MBOAT1: variants seen among roughly 807,000 people sequenced by gnomAD.
MBOAT1 encodes the protein membrane-bound glycerophospholipid O-acyltransferase 1.
A neutral mutation model predicts 64.4 loss-of-function variants in MBOAT1; 67 were observed. That is an observed-to-expected ratio of 1.04 (90% CI 0.85 to 1.27). The LOEUF (loss-of-function observed/expected upper bound fraction) is 1.27. Ranked by LOEUF, MBOAT1 falls within the 50% of genes most tolerant of loss-of-function variation. The probability of loss-of-function intolerance (pLI) is 0.00; values close to 1 mark genes in which losing one functional copy is unlikely to be tolerated. For synonymous variants in MBOAT1, 229 were observed against 218.9 expected (o/e 1.05, Z -0.41); for missense variants, 563 against 604.6 (o/e 0.93, Z 0.72).
At chr6:20,156,114 AC>A (rs1225539525) in intron 1 of MBOAT1, among the ~76,000 whole-genome samples, 1 of 151,904 alleles carries the variant, frequency 6.6e-6, no homozygotes, top group Non-Finnish European at 1.5e-5. Flanking sequence ...TAAAAAAAAT[AC>A]AAAAAATTAG....
At chr6:20,128,824 T>C in intron 5 of MBOAT1, 71 bp from the exon 6 acceptor site, 1 of 1,080,080 alleles carries the variant, frequency 9.3e-7, no homozygotes, top group Middle Eastern at 2.2e-4. Flanking sequence ...AAAAGGGTCT[T>C]ATCAAAGTCA....
At chr6:20,207,179 T>C (rs146330512) in intron 1 of MBOAT1, among the ~76,000 whole-genome samples, 8 of 152,350 alleles carry the variant, frequency 5.3e-5, no homozygotes, top group Non-Finnish European at 8.8e-5. Flanking sequence ...TTGTCAGTGC[T>C]TTCTCAATTT....
chr6:20,130,529 T>C (rs1381427182), intron 5 of MBOAT1, among the ~76,000 whole-genome samples: 1 of 152,138 alleles, frequency 6.6e-6, no homozygotes, highest in Non-Finnish European at 1.5e-5. Flanking sequence ...AATTTTTGTA[T>C]TTTTAGTAGA....
intron 1 of MBOAT1, among the ~76,000 whole-genome samples, chr6:20,177,071 A>G (rs1482640933): frequency 2.0e-5 from 3 of 152,260 alleles, no homozygotes; most frequent in Non-Finnish European, 4.4e-5. Flanking sequence ...CTAACCTACC[A>G]TCAAGAATGT....
intron 6 of MBOAT1, 96 bp from the exon 7 acceptor site, chr6:20,126,796 T>C: frequency 1.2e-6 from 1 of 866,570 alleles, no homozygotes; most frequent in Admixed American, 2.7e-5. Flanking sequence ...CTCTGTAGAT[T>C]CGATACATGA....
At chr6:20,206,012 C>G (rs1216773360) in intron 1 of MBOAT1, among the ~76,000 whole-genome samples, 1 of 152,130 alleles carries the variant, frequency 6.6e-6, no homozygotes, top group East Asian at 1.9e-4. Context: ...TCCTTCTCCC[C>G]CTCCTGTGTG....
intron 3 of MBOAT1, among the ~76,000 whole-genome samples, chr6:20,150,439 T>C (rs1465866947): frequency 6.6e-6 from 1 of 152,140 alleles, no homozygotes; most frequent in East Asian, 1.9e-4. Context: ...CTTTTGTCAC[T>C]ATAGATTAGT....
chr6:20,102,516 TGGCAG>T, intron 12 of MBOAT1, 104 bp from the exon 13 acceptor site: 8 of 965,934 alleles, frequency 8.3e-6, no homozygotes, highest in South Asian at 5.1e-5. Flanking sequence ...GCACCGCTTT[TGGCAG>T]TAGGAGGCCT....
rs112248124 is a variant in MBOAT1 at position 20,206,298 on chromosome 6, C to T, written c.99+5838G>A. 7.3e-3 allele frequency among the ~76,000 whole-genome samples: 1,119 copies of T among 152,254 alleles called. 23 individuals are homozygous for T. The highest frequency in any genetic ancestry group is 0.025 in the African/African-American group (1,057 of 41,550). On this transcript the variant is annotated intron_variant, in intron 1 of 12. Transcript: ENST00000324607. The stretch of plus-strand genomic sequence containing the variant: ...AAGTGATTCTCTTGCCTCAGCCTCC[C>T]GAGTAGCTAGGACTGCAGGCTTGTG...
rs539229739 is a variant in MBOAT1 at position 20,101,922 on chromosome 6, C to T, written c.*364G>A. Among the ~76,000 whole-genome samples, 4 of 151,206 alleles carry T rather than the reference C, an allele frequency of 2.6e-5. No homozygotes were observed. Among genetic ancestry groups the T allele is most frequent in the Non-Finnish European group, 2.9e-5 (2 of 67,804 alleles). The stretch of plus-strand genomic sequence containing the variant: ...CGAGGTCAGGAGATCGAGACCATCC[C>T]GGCTAAAACGGTGAAACCCCGTCTC... On this transcript the variant is annotated 3_prime_UTR_variant, in exon 13 of 13. Transcript: ENST00000324607.
At chr6:20,142,526 T>C (rs1394226999) in intron 4 of MBOAT1, among the ~76,000 whole-genome samples, 1 of 152,184 alleles carries the variant, frequency 6.6e-6, no homozygotes, top group Non-Finnish European at 1.5e-5. Context: ...CTCAGCTCAC[T>C]ACAACCTCCG....
intron 9 of MBOAT1, among the ~76,000 whole-genome samples, chr6:20,118,047 CA>C (rs1280126415): frequency 1.3e-5 from 2 of 152,062 alleles, no homozygotes; most frequent in Non-Finnish European, 2.9e-5. Context: ...AGAACGTTTG[CA>C]ATATTGAAAT....
In MBOAT1 at chr6:20,112,873, T is replaced by TA. The variant is rs766903808; in HGVS notation, c.1209+2dup. On this transcript the variant is annotated splice_region_variant and intron_variant, in intron 11 of 12. Transcript: ENST00000324607. Reference sequence around the variant, plus strand: ...AAAGACCCTAGGCCTAAAGCACACTTACCGCTCTAGCTGCTAATGTGACAA... The same window carrying TA: ...AAAGACCCTAGGCCTAAAGCACACTTAACCGCTCTAGCTGCTAATGTGACAA... 1.2e-6 allele frequency: 2 copies of TA among 1,612,794 alleles called. No homozygotes were observed. Among genetic ancestry groups the TA allele is most frequent in the Admixed American group, 1.7e-5 (1 of 59,894 alleles).
intron 1 of MBOAT1, among the ~76,000 whole-genome samples, chr6:20,168,679 A>G (rs1163884282): frequency 6.7e-5 from 9 of 135,058 alleles, no homozygotes; most frequent in Non-Finnish European, 9.6e-5. Context: ...GAGAGAGAGA[A>G]GGAGAGAAAG....
chr6:20,178,246 T>C (rs556351041), intron 1 of MBOAT1, among the ~76,000 whole-genome samples: 1 of 152,340 alleles, frequency 6.6e-6, no homozygotes, highest in South Asian at 2.1e-4. Context: ...TTTCTATTTC[T>C]GTTTTACATT....
chr6:20,141,037 G>C (rs539472894), intron 4 of MBOAT1, among the ~76,000 whole-genome samples: 1 of 152,212 alleles, frequency 6.6e-6, no homozygotes, highest in East Asian at 1.9e-4. Flanking sequence ...CCAAATGCAT[G>C]ACTCTGGGGT....
Position 20,196,190 on chromosome 6 carries a change from G to A in MBOAT1, c.99+15946C>T, listed in dbSNP as rs1762950608. 2.0e-5 allele frequency among the ~76,000 whole-genome samples: 3 copies of A among 152,182 alleles called. No homozygotes were observed. The South Asian group carries it at 6.2e-4, about 31-fold the overall frequency. ...AGCAAATGCAATTTAAGTGAGCCTG[G>A]ATTGGGAATACCTCAGCTGCAGAAG... On this transcript the variant is annotated intron_variant, in intron 1 of 12. Transcript: ENST00000324607.
Position 20,128,715 on chromosome 6 carries a change from G to A in MBOAT1, c.514C>T (p.His172Tyr). 6.2e-7 allele frequency: 1 copy of A among 1,610,448 alleles called. No homozygotes were observed. The highest frequency in any genetic ancestry group is 8.5e-7 in the Non-Finnish European group (1 of 1,178,660). Residue 172 changes from histidine (H) to tyrosine (Y), a missense_variant, in exon 6 of 13, where the codon CAT (histidine) becomes TAT (tyrosine). Coordinates refer to ENST00000324607, the MANE Select transcript of MBOAT1 (RefSeq NM_001080480.3). ...RRAEDLSAEQ[H>Y]RLAIKVKPSF... ...TTCACTTACTTGATAGCAAGTCGAT[G>A]TTGTTCAGCAGAAAGGTCTTCAGCT...
chr6:20,152,351 A>T (rs1246257468), intron 2 of MBOAT1, among the ~76,000 whole-genome samples: 5 of 39,404 alleles, frequency 1.3e-4, no homozygotes, highest in Admixed American at 2.8e-4. Context: ...AAAAATAAAT[A>T]AATAAATAAA....
Sources: allele counts gnomAD v4.1 joint callset (sites outside exome capture counted in the v4.1 genomes callset), GRCh38; gene constraint gnomAD v4.1.1; transcripts MANE v1.5; gene names NCBI Gene and HGNC (gene_info 2026-07-23, HGNC 2026-07-21).